The following ZNF385D variants were observed in gnomAD, a reference collection of about 807,000 sequenced individuals.
ZNF385D encodes the protein zinc finger protein 385D.
In ZNF385D, 15 loss-of-function variants were observed where a neutral mutation model predicts 35.8. That is an observed-to-expected ratio of 0.42 (90% confidence interval 0.28 to 0.64). The LOEUF (loss-of-function observed/expected upper bound fraction) is 0.64. ZNF385D is among the 30% of genes least tolerant of loss of function. The pLI, the probability that ZNF385D is intolerant of heterozygous loss-of-function variation, is 0.23. For synonymous variants in ZNF385D, 212 were observed against 186.8 expected, an observed-to-expected ratio of 1.13 and a Z score of -1.10; for missense variants, 474 against 494.6, an observed-to-expected ratio of 0.96 and a Z score of 0.39.
chr3:21,705,740 A>C (rs2067873124), intron 1 of ZNF385D, among the ~76,000 whole-genome samples: 2 of 152,206 alleles, frequency 1.3e-5, no homozygotes, highest in South Asian at 4.1e-4. Flanking sequence ...CACCACCCCC[A>C]AAATCCACTT....
chr3:21,456,610 T>C (rs1418807477), intron 4 of ZNF385D, among the ~76,000 whole-genome samples: 4 of 152,062 alleles, frequency 2.6e-5, no homozygotes, highest in South Asian at 2.1e-4. Flanking sequence ...TAAGGAGGGA[T>C]AGCATTAGGA....
In ZNF385D at chr3:21,895,319, CTTTTTTTTTTT is replaced by C. The variant is rs34167369; in HGVS notation, c.326-230302_326-230292del. 3.2e-3 allele frequency among the ~76,000 whole-genome samples: 199 copies of C among 62,696 alleles called. 3 individuals are homozygous for C. The highest frequency in any genetic ancestry group is 0.011 in the African/African-American group (172 of 15,732). The allele number at this position is 62,696 out of a possible 152,430, so 41.1% of individuals were successfully genotyped here. ...ATGGTTGAATCACTGAAATGTGTGG[CTTTTTTTTTTT>C]TTTTTTTTTTTTTTTAAGACAGAGT... On this transcript the variant is annotated intron_variant, in intron 3 of 5. Coordinates refer to the ZNF385D transcript ENST00000494108.
intron 2 of ZNF385D, among the ~76,000 whole-genome samples, chr3:22,221,423 A>G (rs1300185794): frequency 6.6e-6 from 1 of 152,148 alleles, no homozygotes; most frequent in East Asian, 1.9e-4. Flanking sequence ...TCCCAGACAT[A>G]ACATTTAATT....
intron 2 of ZNF385D, among the ~76,000 whole-genome samples, chr3:22,211,722 G>C (rs1697538197): frequency 1.3e-5 from 2 of 152,054 alleles, no homozygotes; most frequent in South Asian, 2.1e-4. Flanking sequence ...GTGGGGCAGA[G>C]AGTGAGAGAG....
intron 1 of ZNF385D, among the ~76,000 whole-genome samples, chr3:21,733,212 T>C (rs537764240): frequency 3.3e-5 from 5 of 152,330 alleles, no homozygotes; most frequent in African/African-American, 1.2e-4. Context: ...ATCAGTCTAT[T>C]TCTGAACTTT....
intron 2 of ZNF385D, among the ~76,000 whole-genome samples, chr3:22,196,214 G>A (rs1437501285): frequency 2.0e-5 from 3 of 151,990 alleles, no homozygotes; most frequent in Non-Finnish European, 4.4e-5. Flanking sequence ...AATCGAATAG[G>A]TGGAAAACAG....
At chr3:22,242,380 G>T (rs894536128) in intron 2 of ZNF385D, among the ~76,000 whole-genome samples, 5 of 150,926 alleles carry the variant, frequency 3.3e-5, no homozygotes, top group African/African-American at 1.2e-4. Flanking sequence ...AGAGAACCTG[G>T]CAAACATCAC....
At chr3:21,918,174 T>C (rs1324642062) in intron 3 of ZNF385D, among the ~76,000 whole-genome samples, 1 of 147,292 alleles carries the variant, frequency 6.8e-6, no homozygotes, top group African/African-American at 2.5e-5. Flanking sequence ...AATTTAGCAA[T>C]GGGGAATATG....
At chr3:22,023,225 G>A (rs1697329713) in intron 3 of ZNF385D, among the ~76,000 whole-genome samples, 1 of 152,152 alleles carries the variant, frequency 6.6e-6, no homozygotes, top group African/African-American at 2.4e-5. Context: ...AAACAAAAGT[G>A]AGAATGAGAG....
At chr3:21,720,414 T>G (rs7634163) in intron 1 of ZNF385D, among the ~76,000 whole-genome samples, 25,471 of 152,044 alleles carry the variant, frequency 0.17, 2,571 homozygotes, top group Admixed American at 0.3. Flanking sequence ...GTTATCCTGG[T>G]GTGGTGGTAC....
At chr3:21,894,112 T>C (rs527892665) in intron 3 of ZNF385D, among the ~76,000 whole-genome samples, 1 of 152,288 alleles carries the variant, frequency 6.6e-6, no homozygotes, top group South Asian at 2.1e-4. Context: ...TAAACTTGCA[T>C]AGTCATATAT....
chr3:21,944,680 A>G (rs1701688547), intron 3 of ZNF385D, among the ~76,000 whole-genome samples: 1 of 152,156 alleles, frequency 6.6e-6, no homozygotes. Context: ...TAGAAACGTT[A>G]AATTTCTTAA....
intron 3 of ZNF385D, among the ~76,000 whole-genome samples, chr3:21,893,118 C>A (rs756545982): frequency 6.6e-6 from 1 of 152,022 alleles, no homozygotes; most frequent in Non-Finnish European, 1.5e-5. Flanking sequence ...AAGTAAGTCA[C>A]GTAACCTCTC....
Position 21,419,170 on chromosome 3 carries a change from T to G in ZNF385D, c.*2044A>C, listed in dbSNP as rs2125234360. On this transcript the variant is annotated 3_prime_UTR_variant, in exon 8 of 8. Transcript: ENST00000281523. ...TCCTTTTCTTCCCTTCCCCATCTCC[T>G]TTCCTTCCTTCCTTCCCTCCTTTCT... 1 of 153,810 alleles carries G rather than the reference T, an allele frequency of 6.5e-6. No homozygotes were observed. Among genetic ancestry groups the G allele is most frequent in the South Asian group, 2.1e-4 (1 of 4,694 alleles). The allele number at this position is 153,810 out of a possible 1,614,324, so 9.5% of individuals were successfully genotyped here. A position where few individuals can be genotyped will look rare whatever the true frequency, so the allele number is the denominator to read the frequency against.
At chr3:21,937,864 CT>C (rs1277558569) in intron 3 of ZNF385D, among the ~76,000 whole-genome samples, 1 of 152,146 alleles carries the variant, frequency 6.6e-6, no homozygotes, top group Admixed American at 6.5e-5. Context: ...TAAGTAGCCT[CT>C]ATAACATAAG....
chr3:22,188,443 G>A (rs947487752), intron 2 of ZNF385D, among the ~76,000 whole-genome samples: 2 of 142,348 alleles, frequency 1.4e-5, no homozygotes, highest in Admixed American at 7.0e-5. Flanking sequence ...ATACAAATAC[G>A]TGTGTATACT....
chr3:22,172,830 A>T (rs1694554354), intron 2 of ZNF385D, among the ~76,000 whole-genome samples: 1 of 152,212 alleles, frequency 6.6e-6, no homozygotes, highest in Non-Finnish European at 1.5e-5. Context: ...ATTCCAAATA[A>T]CTTAAATAGA....
chr3:21,467,450 G>A (rs773096584), intron 4 of ZNF385D, among the ~76,000 whole-genome samples: 2 of 152,090 alleles, frequency 1.3e-5, no homozygotes, highest in Admixed American at 6.6e-5. Context: ...TTTTTGGGGG[G>A]AACAAAATTA....
intron 2 of ZNF385D, among the ~76,000 whole-genome samples, chr3:22,306,342 CTTTT>C (rs891241935): frequency 3.8e-4 from 57 of 148,776 alleles, no homozygotes; most frequent in Middle Eastern, 7.0e-3. Flanking sequence ...TAAAAAAAGT[CTTTT>C]TTTTTTCTTT....
Sources: allele counts gnomAD v4.1 joint callset (sites outside exome capture counted in the v4.1 genomes callset), GRCh38; gene constraint gnomAD v4.1.1; transcripts MANE v1.5; gene names NCBI Gene and HGNC (gene_info 2026-07-23, HGNC 2026-07-21).